ATL2: variants seen among roughly 807,000 people sequenced by gnomAD.
The protein encoded by ATL2 is atlastin GTPase 2.
A neutral mutation model predicts 73.9 loss-of-function variants in ATL2; 31 were observed. That is an observed-to-expected ratio of 0.42 (90% CI 0.32 to 0.57). ATL2 has a LOEUF of 0.57. Ranked by LOEUF, ATL2 falls within the 20% of genes least tolerant of loss-of-function variation. ATL2 has a pLI of 0.14. For synonymous variants in ATL2, 291 were observed against 237.5 expected (o/e 1.23, Z -2.07); for missense variants, 738 against 702.6 (o/e 1.05, Z -0.57).
At chr2:38,306,972 G>T (rs765106339) in intron 9 of ATL2, among the ~76,000 whole-genome samples, 24 of 152,174 alleles carry the variant, frequency 1.6e-4, no homozygotes, top group Non-Finnish European at 3.2e-4. Context: ...GCAGAGGAAT[G>T]AAACTAGACC....
intron 1 of ATL2, chr2:38,376,701 G>GTT (rs1412242438): frequency 6.6e-6 from 1 of 152,230 alleles, no homozygotes; most frequent in African/African-American, 2.4e-5. Flanking sequence ...CCCTGTCCGC[G>GTT]TAAGGGACAG....
At chr2:38,370,476 A>AAAAAAC (rs1671619278) in intron 1 of ATL2, among the ~76,000 whole-genome samples, 1 of 123,416 alleles carries the variant, frequency 8.1e-6, no homozygotes, top group Non-Finnish European at 1.7e-5. Flanking sequence ...AAAAAAAAAA[A>AAAAAAC]AAAAAATCAA....
At chr2:38,367,870 T>C (rs1671433044) in intron 1 of ATL2, among the ~76,000 whole-genome samples, 1 of 151,548 alleles carries the variant, frequency 6.6e-6, no homozygotes, top group African/African-American at 2.4e-5. Context: ...TGACCTCAGG[T>C]GATCCTCCCA....
intron 2 of ATL2, among the ~76,000 whole-genome samples, chr2:38,333,464 T>C (rs147056713): frequency 3.3e-5 from 5 of 152,204 alleles, no homozygotes; most frequent in Non-Finnish European, 7.3e-5. Context: ...ACTCCCTAAA[T>C]GTTCTAAAAC....
intron 2 of ATL2, among the ~76,000 whole-genome samples, chr2:38,341,656 A>G (rs1475296411): frequency 6.6e-6 from 1 of 152,192 alleles, no homozygotes; most frequent in African/African-American, 2.4e-5. Flanking sequence ...TCACGTCTCA[A>G]TCAATGAGAC....
intron 1 of ATL2, among the ~76,000 whole-genome samples, chr2:38,351,059 G>A (rs1340119638): frequency 6.6e-6 from 1 of 152,174 alleles, no homozygotes; most frequent in Non-Finnish European, 1.5e-5. Flanking sequence ...CAAAAGGAAT[G>A]AAAAGTATAT....
At chr2:38,335,591 A>G (rs552512989) in intron 2 of ATL2, among the ~76,000 whole-genome samples, 4 of 152,328 alleles carry the variant, frequency 2.6e-5, no homozygotes, top group African/African-American at 9.6e-5. Flanking sequence ...AGCCGGAGAT[A>G]GCAGTAACTG....
intron 1 of ATL2, among the ~76,000 whole-genome samples, chr2:38,357,630 T>C (rs944572493): frequency 2.4e-4 from 29 of 118,566 alleles, no homozygotes; most frequent in African/African-American, 8.0e-4. Flanking sequence ...CCAGCCTGCG[T>C]GACAGAGCAA....
chr2:38,308,580 A>G (rs1667578536), intron 9 of ATL2, among the ~76,000 whole-genome samples: 1 of 152,094 alleles, frequency 6.6e-6, no homozygotes, highest in Non-Finnish European at 1.5e-5. Context: ...CTTACTATAC[A>G]TTTTAAAATA....
chr2:38,353,270 A>G (rs1410129568), intron 1 of ATL2, among the ~76,000 whole-genome samples: 3 of 152,184 alleles, frequency 2.0e-5, no homozygotes, highest in Non-Finnish European at 4.4e-5. Context: ...ACTATTAAAA[A>G]ACAAATGAAA....
intron 7 of ATL2, among the ~76,000 whole-genome samples, chr2:38,312,749 C>A (rs1376902293): frequency 2.0e-5 from 3 of 151,552 alleles, no homozygotes; most frequent in Non-Finnish European, 4.4e-5. Context: ...TTTCCCTTCA[C>A]CATCCGCCAT....
intron 1 of ATL2, among the ~76,000 whole-genome samples, chr2:38,360,580 G>C (rs28369216): frequency 0.11 from 16,049 of 152,092 alleles, 2,819 homozygotes; most frequent in African/African-American, 0.36. Context: ...ACCACACCCA[G>C]CCTCGGGGAA....
chr2:38,372,346 T>TAAC (rs1238441539), intron 1 of ATL2, among the ~76,000 whole-genome samples: 1 of 152,166 alleles, frequency 6.6e-6, no homozygotes. Flanking sequence ...GCATACAGTA[T>TAAC]AACAATGATT....
At chr2:38,319,735 A>C (rs572745685) in intron 2 of ATL2, among the ~76,000 whole-genome samples, 1 of 152,234 alleles carries the variant, frequency 6.6e-6, no homozygotes, top group Non-Finnish European at 1.5e-5. Context: ...TCCAGGTAGA[A>C]TGACTGTCAA....
intron 5 of ATL2, among the ~76,000 whole-genome samples, chr2:38,314,866 C>T (rs576056230): frequency 1.3e-5 from 2 of 152,196 alleles, no homozygotes; most frequent in Admixed American, 1.3e-4. Flanking sequence ...ATATAACATT[C>T]AATCGTGTTA....
At chr2:38,346,125 A>G (rs1449961699) in intron 1 of ATL2, among the ~76,000 whole-genome samples, 2 of 152,216 alleles carry the variant, frequency 1.3e-5, no homozygotes, top group Non-Finnish European at 2.9e-5. Flanking sequence ...TCCTTGACAT[A>G]TAGAGATACG....
At chr2:38,313,408 C>G (rs1249899505) in intron 6 of ATL2, among the ~76,000 whole-genome samples, 165 bp from the exon 7 acceptor site, 2 of 152,146 alleles carry the variant, frequency 1.3e-5, no homozygotes, top group Non-Finnish European at 2.9e-5. Context: ...CAAGGACCCA[C>G]TTAAACAACA....
intron 1 of ATL2, among the ~76,000 whole-genome samples, chr2:38,370,171 AG>A (rs1223883265): frequency 2.2e-5 from 3 of 135,258 alleles, no homozygotes; most frequent in African/African-American, 1.1e-4. Context: ...AAAAAAAAAA[AG>A]AAAGAAAATC....
intron 2 of ATL2, among the ~76,000 whole-genome samples, chr2:38,342,551 G>A (rs1432842521): frequency 6.6e-6 from 1 of 152,126 alleles, no homozygotes; most frequent in Non-Finnish European, 1.5e-5. Flanking sequence ...ATGGATGGCT[G>A]CAGAAGCCAC....
Sources: gnomAD v4.1 joint callset for allele counts (sites outside exome capture counted in the v4.1 genomes callset) on GRCh38, gnomAD v4.1.1 for gene constraint, MANE v1.5 for transcripts, NCBI Gene and HGNC (gene_info 2026-07-23, HGNC 2026-07-21) for gene names.